CENPE: variants seen among roughly 807,000 people sequenced by gnomAD.
CENPE encodes the protein centromere protein E.
Under a neutral mutation model 336.1 loss-of-function variants are expected in CENPE, and 145 were observed. The observed-to-expected ratio is 0.43, with a 90% CI of 0.38 to 0.50. The LOEUF (loss-of-function observed/expected upper bound fraction) is 0.50. CENPE is among the 20% of genes least tolerant of loss of function. CENPE has a pLI of 0.00. For missense variants in CENPE, 2,719 were observed against 3,023.3 expected (o/e 0.90, Z 2.36); for synonymous variants, 1,013 against 984.8 (o/e 1.03, Z -0.54).
intron 18 of CENPE, among the ~76,000 whole-genome samples, chr4:103,162,870 G>C (rs1308088633): frequency 6.6e-6 from 1 of 152,082 alleles, no homozygotes; most frequent in African/African-American, 2.4e-5. Context: ...AAAACTTACT[G>C]ATTTTTAATG....
intron 2 of CENPE, 25 bp downstream of exon 2, chr4:103,196,734 A>G: frequency 9.4e-7 from 1 of 1,068,108 alleles, no homozygotes; most frequent in Non-Finnish European, 1.4e-6. Flanking sequence ...TAACAAGGTA[A>G]CTTTTGATGC....
At chr4:103,147,335 G>C in intron 29 of CENPE, 21 bp downstream of exon 29, 2 of 1,572,418 alleles carry the variant, frequency 1.3e-6, no homozygotes, top group Non-Finnish European at 1.7e-6. Context: ...TGTTAAAATG[G>C]GAGGAAAATA....
intron 33 of CENPE, among the ~76,000 whole-genome samples, chr4:103,144,087 C>T (rs565016959): frequency 1.3e-5 from 2 of 152,254 alleles, no homozygotes; most frequent in African/African-American, 4.8e-5. Context: ...CAGGCGCCCA[C>T]CACCACGCCT....
chr4:103,157,923 T>C (rs1754093401), intron 24 of CENPE, among the ~76,000 whole-genome samples: 1 of 151,894 alleles, frequency 6.6e-6, no homozygotes, highest in Non-Finnish European at 1.5e-5. Context: ...CAATATATCT[T>C]AGAGGTGTTG....
chr4:103,156,162 C>T (rs553212398), intron 24 of CENPE, among the ~76,000 whole-genome samples: 3 of 152,208 alleles, frequency 2.0e-5, no homozygotes, highest in South Asian at 2.1e-4. Context: ...TCAATACTAC[C>T]GAACAATCTA....
At chr4:103,158,153 A>C (rs1211989318) in intron 24 of CENPE, 147 bp downstream of exon 24, 1 of 534,016 alleles carries the variant, frequency 1.9e-6, no homozygotes, top group African/African-American at 2.0e-5. Context: ...GTTATTTCAA[A>C]GGCATTAGGG....
Position 103,160,938 on chromosome 4 carries a change from T to C in CENPE, c.2131+148A>G, listed in dbSNP as rs75810911. The stretch of plus-strand genomic sequence containing the variant: ...CCATGGAAATCTTTATAAATATTAA[T>C]ACCAAATGAAACTAAAACGTAATAT... On this transcript the variant is annotated intron_variant, in intron 20 of 48. Transcript: ENST00000265148. 4.5e-3 allele frequency: 4,078 copies of C among 916,366 alleles called. 25 individuals are homozygous for C. Among genetic ancestry groups the C allele is most frequent in the Admixed American group, 5.6e-3 (179 of 31,798 alleles). 56.8% of individuals were successfully genotyped at this position (916,366 alleles called of 1,614,324 possible).
chr4:103,171,524 G>A (rs1755409006), intron 16 of CENPE, among the ~76,000 whole-genome samples: 1 of 151,862 alleles, frequency 6.6e-6, no homozygotes. Context: ...AGTTCTAAAA[G>A]AGAAGTTTAT....
chr4:103,188,286 C>G (rs2126039109), intron 8 of CENPE, among the ~76,000 whole-genome samples: 1 of 152,256 alleles, frequency 6.6e-6, no homozygotes, highest in South Asian at 2.1e-4. Context: ...AGCTCTGCAC[C>G]AAGCAGACCT....
chr4:103,171,955 G>T (rs1421228353), intron 16 of CENPE, among the ~76,000 whole-genome samples: 1 of 151,868 alleles, frequency 6.6e-6, no homozygotes, highest in Non-Finnish European at 1.5e-5. Flanking sequence ...TAATGAGAAA[G>T]GAGACTTGAA....
At chr4:103,112,621 C>T (rs1749582551) in intron 46 of CENPE, among the ~76,000 whole-genome samples, 1 of 129,550 alleles carries the variant, frequency 7.7e-6, no homozygotes, top group South Asian at 2.3e-4. Context: ...TGTATATATA[C>T]TTGTAAGTAT....
intron 16 of CENPE, among the ~76,000 whole-genome samples, chr4:103,167,664 TA>T (rs1264855300): frequency 1.3e-5 from 2 of 152,184 alleles, no homozygotes. Flanking sequence ...TAGGAGGTTG[TA>T]AAACCCCAGT....
rs1033161789 is a variant in CENPE at position 103,139,938 on chromosome 4, C to T, written c.6055G>A (p.Asp2019Asn). ...AGTTTCTTAGTCAACTGGAAGTTATCCATTCTCACACTTTGCATAGATAAG... is the reference window on the plus strand; with the variant it reads ...AGTTTCTTAGTCAACTGGAAGTTATTCATTCTCACACTTTGCATAGATAAG... ...QNLSMQSVRMDNFQLTKKLHE... is the reference protein window; with the variant it reads ...QNLSMQSVRMNNFQLTKKLHE... Residue 2019 changes from aspartate (D) to asparagine (N), a missense_variant, in exon 38 of 49, where the codon GAT becomes AAT. Physicochemically the swap from Asp to Asn is conservative, Grantham distance 23. Coordinates refer to ENST00000265148, the MANE Select transcript of CENPE (RefSeq NM_001813.3). 1 of 1,613,366 alleles carries T rather than the reference C, an allele frequency of 6.2e-7. No individual in the cohort carries two copies. Among genetic ancestry groups the T allele is most frequent in the Non-Finnish European group, 8.5e-7 (1 of 1,179,648 alleles).
intron 42 of CENPE, among the ~76,000 whole-genome samples, chr4:103,126,348 T>C (rs562579392): frequency 2.0e-5 from 3 of 152,220 alleles, no homozygotes; most frequent in South Asian, 4.1e-4. Flanking sequence ...TGGGGTTTTG[T>C]CAGGGCCTAA....
chr4:103,137,760 C>T (rs911764295), intron 39 of CENPE, among the ~76,000 whole-genome samples: 4 of 152,220 alleles, frequency 2.6e-5, no homozygotes, highest in Admixed American at 6.5e-5. Flanking sequence ...AGGATGATCT[C>T]TGCCTGGGTG....
At chr4:103,191,794 TAAAA>T (rs927838183) in intron 8 of CENPE, among the ~76,000 whole-genome samples, 3 of 150,034 alleles carry the variant, frequency 2.0e-5, no homozygotes, top group African/African-American at 7.4e-5. Context: ...TAAAGTATAA[TAAAA>T]AAATAAATAA....
chr4:103,123,032 A>G lies in CENPE; in HGVS notation c.6982T>C (p.Trp2328Arg). Residue 2328 changes from tryptophan (W) to arginine (R), a missense_variant, in exon 43 of 49, where the codon TGG (tryptophan) becomes CGG (arginine). Trp to Arg is a moderately radical substitution (Grantham distance 101). This residue lies in a region of CENPE where 2,437 missense variants were observed against 2,513.3 expected (regional missense o/e 0.97). Transcript: ENST00000265148. ...EERSATISKE[W>R]EQDLKSLKEK... ...TTCAGTGATTTCAGGTCCTGTTCCC[A>G]CTCTTTGGATATGGTAGCACTTCTT... is the stretch of plus-strand genomic sequence containing the variant. 1 of 1,613,694 alleles carries G rather than the reference A, an allele frequency of 6.2e-7. No homozygotes were observed. The highest frequency in any genetic ancestry group is 8.5e-7 in the Non-Finnish European group (1 of 1,179,852).
Position 103,110,849 on chromosome 4 carries a change from T to G in CENPE, c.7703A>C (p.Lys2568Thr), listed in dbSNP as rs201296134. 38 of 1,601,692 alleles carry G rather than the reference T, an allele frequency of 2.4e-5. No individual in the cohort carries two copies. In the East Asian group the frequency reaches 8.3e-4, roughly 35 times the overall value. Residue 2568 changes from lysine (K) to threonine (T), a missense_variant, in exon 47 of 49, where the codon AAA (lysine) becomes ACA (threonine). Coordinates refer to ENST00000265148, the MANE Select transcript of CENPE (RefSeq NM_001813.3). Reference sequence around the variant, plus strand: ...TTACCTTAACAATTCATTCTTTTGTTTTATTAGCTGTTCATTTTGCTGCTT... The same window carrying G: ...TTACCTTAACAATTCATTCTTTTGTGTTATTAGCTGTTCATTTTGCTGCTT... ...KLKQQNEQLI[K>T]QKNELLSNNQ... is the part of the protein sequence containing the mutation.
Position 103,183,293 on chromosome 4 carries a change from A to G in CENPE, c.746-5T>C, listed in dbSNP as rs1756477909. ...AGCCTTCCTTGAGCCGCACACCTGA[A>G]TTTATTAAACAAATATGAAAACTAA... On this transcript the variant is annotated splice_polypyrimidine_tract_variant and splice_region_variant and intron_variant, in intron 9 of 48. Transcript: ENST00000265148. 1 of 1,606,648 alleles carries G rather than the reference A, an allele frequency of 6.2e-7. No homozygotes were observed. The highest frequency in any genetic ancestry group is 8.5e-7 in the Non-Finnish European group (1 of 1,176,182).
Sources: allele counts gnomAD v4.1 joint callset (sites outside exome capture counted in the v4.1 genomes callset), GRCh38; gene constraint gnomAD v4.1.1; regional missense constraint gnomAD v4.1.1; transcripts MANE v1.5; gene names NCBI Gene and HGNC (gene_info 2026-07-23, HGNC 2026-07-21).